The following ULK2 variants were observed in gnomAD, a reference collection of about 807,000 sequenced individuals.
ULK2 encodes the protein serine/threonine-protein kinase ULK2.
Under a neutral mutation model 127.5 loss-of-function variants are expected in ULK2, and 76 were observed. That is an observed-to-expected ratio of 0.60 (90% CI 0.50 to 0.72). The LOEUF (loss-of-function observed/expected upper bound fraction) is 0.72, where lower values mean the gene tolerates loss of function less well. Ranked by LOEUF, ULK2 falls within the 30% of genes least tolerant of loss-of-function variation. ULK2 has a pLI of 0.00. For missense variants in ULK2, 1,144 were observed against 1,295.9 expected (o/e 0.88, Z 1.80); for synonymous variants, 452 against 461.9 (o/e 0.98, Z 0.28).
At chr17:19,821,038 G>A (rs2041129430) in intron 12 of ULK2, among the ~76,000 whole-genome samples, 1 of 152,204 alleles carries the variant, frequency 6.6e-6, no homozygotes, top group Non-Finnish European at 1.5e-5. Context: ...CAGGCGAGGA[G>A]GCTCACACCT....
At chr17:19,810,253 AAAAACCAGAAAT>A in intron 14 of ULK2, 113 bp downstream of exon 14, 1 of 467,544 alleles carries the variant, frequency 2.1e-6, no homozygotes. Flanking sequence ...AAAAAAAAAA[AAAAACCAGAAAT>A]AATGGACTGT....
At chr17:19,862,444 A>G (rs550858260) in intron 3 of ULK2, among the ~76,000 whole-genome samples, 1 of 151,976 alleles carries the variant, frequency 6.6e-6, no homozygotes, top group Non-Finnish European at 1.5e-5. Flanking sequence ...TTGTGTTATG[A>G]TATGACCACA....
chr17:19,781,952 GAC>G lies in ULK2; in HGVS notation c.2574_2575del (p.Ser859LeufsTer70). The G allele has an allele frequency of 6.2e-7, 1 of 1,614,184 alleles. No individual in the cohort carries two copies. Among genetic ancestry groups the G allele is most frequent in the Non-Finnish European group, 8.5e-7 (1 of 1,180,030 alleles). ...CACACTCTCCTGGATCTGGTACAAG[GAC>G]ACAGCAGATGTGCACAGCTCAGGGT... On this transcript the variant is annotated frameshift_variant, in exon 23 of 27. Transcript: ENST00000395544. LOFTEE classifies it high-confidence loss of function.
intron 13 of ULK2, 110 bp downstream of exon 13, chr17:19,816,639 C>A: frequency 1.1e-6 from 1 of 950,546 alleles, no homozygotes; most frequent in South Asian, 3.8e-5. Flanking sequence ...AAATAAAATG[C>A]TCATTTGAAA....
At chr17:19,853,720 T>C (rs2042066255) in intron 3 of ULK2, among the ~76,000 whole-genome samples, 1 of 151,892 alleles carries the variant, frequency 6.6e-6, no homozygotes, top group Non-Finnish European at 1.5e-5. Context: ...TACAGGCACC[T>C]GCCACCACTC....
chr17:19,844,553 T>A (rs1334829386), intron 7 of ULK2, among the ~76,000 whole-genome samples: 2 of 152,060 alleles, frequency 1.3e-5, no homozygotes, highest in African/African-American at 2.4e-5. Flanking sequence ...AAAGTAATTT[T>A]AAAATTTATA....
At chr17:19,839,990 T>A in intron 9 of ULK2, 1 of 287,440 alleles carries the variant, frequency 3.5e-6, no homozygotes, top group Non-Finnish European at 6.8e-6. Context: ...CACACACACT[T>A]CACTAGAGCC....
At chr17:19,853,948 T>C (rs2042072362) in intron 3 of ULK2, among the ~76,000 whole-genome samples, 1 of 152,162 alleles carries the variant, frequency 6.6e-6, no homozygotes, top group South Asian at 2.1e-4. Flanking sequence ...TGAACATTGA[T>C]TGACACCACA....
chr17:19,854,195 T>G (rs1012051200), intron 3 of ULK2, among the ~76,000 whole-genome samples: 9 of 151,468 alleles, frequency 5.9e-5, no homozygotes, highest in Non-Finnish European at 1.3e-4. Context: ...GGAGAACTGC[T>G]TGAACCCAGA....
intron 13 of ULK2, among the ~76,000 whole-genome samples, chr17:19,815,346 C>T (rs1281382549): frequency 6.6e-6 from 1 of 152,092 alleles, no homozygotes; most frequent in Non-Finnish European, 1.5e-5. Context: ...CTGCAACCTC[C>T]CCCTCCCAGG....
chr17:19,780,892 AC>A lies in ULK2; in HGVS notation c.2758+93del, dbSNP rs1328292451. ...TTAAGAATACTGAAAAATAAAAACAACAGTGAGTACTCATCAGACACTCTCT... is the reference window on the plus strand; with the variant it reads ...TTAAGAATACTGAAAAATAAAAACAAAGTGAGTACTCATCAGACACTCTCT... On this transcript the variant is annotated intron_variant, in intron 24 of 26. Transcript: ENST00000395544. 22 of 1,219,286 alleles carry A rather than the reference AC, an allele frequency of 1.8e-5. No individual in the cohort carries two copies. The East Asian group carries it at 4.9e-4, about 27-fold the overall frequency. 75.5% of individuals were successfully genotyped at this position (1,219,286 alleles called of 1,614,324 possible).
intron 20 of ULK2, among the ~76,000 whole-genome samples, chr17:19,788,986 T>A (rs547343975): frequency 6.6e-6 from 1 of 152,314 alleles, no homozygotes; most frequent in Admixed American, 6.5e-5. Context: ...AGATAGCATC[T>A]CTGGACATGC....
chr17:19,792,758 C>A (rs1597721492), intron 20 of ULK2, among the ~76,000 whole-genome samples: 1 of 151,958 alleles, frequency 6.6e-6, no homozygotes, highest in Non-Finnish European at 1.5e-5. Context: ...AAAAACCCAG[C>A]CAGTCTCTCT....
At position 19,810,401 on chromosome 17, in the gene ULK2, T is replaced by C. The variant is rs770931494; in HGVS notation, c.1134A>G (p.Ser378=). ...MPVGTAGRRA[S]NEFLVCGGQC... is the part of the protein sequence containing the mutation. The stretch of plus-strand genomic sequence containing the variant: ...ACCCTCCACACACCAAGAATTCATT[T>C]GAAGCACGTCTGCCAGCAGTCCCCA... Residue 378 remains serine (S), a synonymous_variant, in exon 14 of 27, where the codon TCA becomes TCG. Coordinates refer to ENST00000395544, the MANE Select transcript of ULK2 (RefSeq NM_014683.4). 1.9e-5 allele frequency: 30 copies of C among 1,608,242 alleles called. No homozygotes were observed. The highest frequency in any genetic ancestry group is 2.6e-5 in the Non-Finnish European group (30 of 1,175,646).
At chr17:19,834,652 C>A in intron 10 of ULK2, among the ~76,000 whole-genome samples, 1 of 152,008 alleles carries the variant, frequency 6.6e-6, no homozygotes, top group Admixed American at 6.6e-5. Context: ...TGGCTGACAC[C>A]TATAATTCCA....
In ULK2 at chr17:19,772,943, A is replaced by C. The variant is rs1317505701; in HGVS notation, c.*3406T>G. ...CAGTGAGCCAAGATTGTGCCACTGC[A>C]CTCCAGCCTGGGTGACAGAGCAAGA... On this transcript the variant is annotated 3_prime_UTR_variant, in exon 27 of 27. Coordinates refer to ENST00000395544, the MANE Select transcript of ULK2 (RefSeq NM_014683.4). 6.6e-6 allele frequency: 1 copy of C among 152,060 alleles called. No individual in the cohort carries two copies. The highest frequency in any genetic ancestry group is 1.5e-5 in the Non-Finnish European group (1 of 68,642). 9.4% of individuals were successfully genotyped at this position (152,060 alleles called of 1,614,324 possible).
intron 10 of ULK2, among the ~76,000 whole-genome samples, chr17:19,837,140 T>C (rs2152395839): frequency 6.6e-6 from 1 of 151,850 alleles, no homozygotes; most frequent in Admixed American, 6.6e-5. Context: ...AAATATTGCT[T>C]GGCACTGTGG....
chr17:19,825,019 G>A, intron 12 of ULK2, 75 bp downstream of exon 12: 3 of 1,291,102 alleles, frequency 2.3e-6, no homozygotes, highest in Non-Finnish European at 3.3e-6. Context: ...TATCCACAGT[G>A]TATGTGCATG....
At chr17:19,865,695 GT>G in intron 2 of ULK2, 40 bp downstream of exon 2, 1 of 1,219,178 alleles carries the variant, frequency 8.2e-7, no homozygotes, top group Non-Finnish European at 1.1e-6. Context: ...TTTAAATTAA[GT>G]TTTAACCTTA....
Sources: gnomAD v4.1 joint callset for allele counts (sites outside exome capture counted in the v4.1 genomes callset) on GRCh38, gnomAD v4.1.1 for gene constraint, MANE v1.5 for transcripts, NCBI Gene and HGNC (gene_info 2026-07-23, HGNC 2026-07-21) for gene names.